PTPRT: variants seen among roughly 807,000 people sequenced by gnomAD.
PTPRT encodes receptor-type tyrosine-protein phosphatase T.
Under a neutral mutation model 176.8 loss-of-function variants are expected in PTPRT, and 56 were observed. The observed-to-expected ratio is 0.32, with a 90% confidence interval of 0.26 to 0.40. The LOEUF (loss-of-function observed/expected upper bound fraction) is 0.40, where lower values mean the gene tolerates loss of function less well. Among genes scored for constraint, PTPRT ranks in the 10% least tolerant of loss-of-function variants. The probability of loss-of-function intolerance (pLI) is 1.00; values close to 1 mark genes in which losing one functional copy is unlikely to be tolerated. For synonymous variants in PTPRT, 783 were observed against 739.0 expected (o/e 1.06, Z -0.96); for missense variants, 1,540 against 1,908.2 (o/e 0.81, Z 3.60).
intron 1 of PTPRT, among the ~76,000 whole-genome samples, chr20:42,912,572 A>C (rs1398125845): frequency 6.6e-6 from 1 of 152,230 alleles, no homozygotes; most frequent in Non-Finnish European, 1.5e-5. Context: ...CTCTGGTAGA[A>C]ATGCCTACAT....
intron 6 of PTPRT, among the ~76,000 whole-genome samples, chr20:42,679,713 G>A (rs977387872): frequency 7.6e-6 from 1 of 131,506 alleles, no homozygotes; most frequent in Non-Finnish European, 1.7e-5. Context: ...TATATTGTAA[G>A]GATTTTTTTT....
chr20:42,680,512 A>T lies in PTPRT; in HGVS notation c.860-2353T>A, dbSNP rs73907230. 4.0e-3 allele frequency among the ~76,000 whole-genome samples: 610 copies of T among 152,314 alleles called. 6 individuals carry two copies. The highest frequency in any genetic ancestry group is 0.014 in the African/African-American group (580 of 41,568). ...ATATATGGAACCTTTGATTGCCATT[A>T]TCAACTCTCCAGAGCTCCCATCAGT... is the stretch of plus-strand genomic sequence containing the variant. On this transcript the variant is annotated intron_variant, in intron 6 of 30. Transcript: ENST00000373187.
chr20:42,900,184 G>A (rs2079378069), intron 1 of PTPRT, among the ~76,000 whole-genome samples: 1 of 152,220 alleles, frequency 6.6e-6, no homozygotes, highest in South Asian at 2.1e-4. Flanking sequence ...CAGACTAGCA[G>A]GTGGTAGAAG....
chr20:42,576,514 A>G (rs898494965), intron 7 of PTPRT, among the ~76,000 whole-genome samples: 3 of 152,116 alleles, frequency 2.0e-5, no homozygotes. Context: ...CCAATTGGCC[A>G]TCCTTCCCCA....
intron 7 of PTPRT, among the ~76,000 whole-genome samples, chr20:42,631,168 G>A (rs2074396344): frequency 1.3e-5 from 2 of 152,164 alleles, no homozygotes; most frequent in Admixed American, 6.5e-5. Flanking sequence ...GTCTTATACA[G>A]AAGGTCTACA....
intron 2 of PTPRT, among the ~76,000 whole-genome samples, chr20:42,859,181 A>G (rs1021950021): frequency 3.3e-5 from 5 of 152,156 alleles, no homozygotes; most frequent in Admixed American, 6.5e-5. Context: ...CATAACTCCA[A>G]TGATTTCCTG....
chr20:42,609,230 T>C (rs1158676996), intron 7 of PTPRT, among the ~76,000 whole-genome samples: 1 of 151,934 alleles, frequency 6.6e-6, no homozygotes, highest in Non-Finnish European at 1.5e-5. Context: ...CACATGACCA[T>C]GCCGGGCTAA....
intron 15 of PTPRT, among the ~76,000 whole-genome samples, chr20:42,205,553 C>T (rs2055434059): frequency 1.3e-5 from 2 of 152,130 alleles, no homozygotes; most frequent in South Asian, 4.1e-4. Context: ...GATTTGGACT[C>T]TGCAAAACCC....
intron 2 of PTPRT, among the ~76,000 whole-genome samples, chr20:42,822,539 A>G (rs889474664): frequency 1.3e-5 from 2 of 152,230 alleles, no homozygotes; most frequent in Admixed American, 6.5e-5. Flanking sequence ...ACAAAGGCCA[A>G]AATTGACCAA....
At chr20:42,809,061 G>C (rs1399077732) in intron 2 of PTPRT, among the ~76,000 whole-genome samples, 1 of 152,188 alleles carries the variant, frequency 6.6e-6, no homozygotes, top group Non-Finnish European at 1.5e-5. Context: ...GAGCACTTAG[G>C]GAGCTGTGCA....
intron 12 of PTPRT, among the ~76,000 whole-genome samples, chr20:42,306,420 G>T (rs1342101236): frequency 1.3e-5 from 2 of 152,188 alleles, no homozygotes; most frequent in East Asian, 1.9e-4. Context: ...GATAAATGGG[G>T]CATGGAACCT....
chr20:43,152,358 C>T (rs542659250), intron 1 of PTPRT, among the ~76,000 whole-genome samples: 2 of 152,278 alleles, frequency 1.3e-5, no homozygotes, highest in South Asian at 4.1e-4. Flanking sequence ...TTAAAATAAT[C>T]TATAACTAGA....
intron 13 of PTPRT, among the ~76,000 whole-genome samples, chr20:42,250,156 A>G (rs756104055): frequency 1.3e-5 from 2 of 152,178 alleles, no homozygotes; most frequent in Non-Finnish European, 2.9e-5. Context: ...CAATATTATT[A>G]GTTATTTGTT....
At chr20:42,088,845 A>T (rs1327161708) in intron 27 of PTPRT, among the ~76,000 whole-genome samples, 1 of 152,220 alleles carries the variant, frequency 6.6e-6, no homozygotes, top group Non-Finnish European at 1.5e-5. Flanking sequence ...TAATTCATGT[A>T]AATAAACCCT....
rs372259462 is a variant in PTPRT at position 42,427,574 on chromosome 20, G to C, written c.1560+20646C>G. On this transcript the variant is annotated intron_variant, in intron 9 of 30. Coordinates refer to ENST00000373187, the MANE Select transcript of PTPRT (RefSeq NM_007050.6). ...AAGCTCCCTCCAGCATCTTTCATAAGAGCACTAATCCCATTAATAAGGGCA... is the reference window on the plus strand; with the variant it reads ...AAGCTCCCTCCAGCATCTTTCATAACAGCACTAATCCCATTAATAAGGGCA... Among the ~76,000 whole-genome samples, 22 of 152,192 alleles carry C rather than the reference G, an allele frequency of 1.4e-4. No individual in the cohort carries two copies. In the South Asian group the frequency reaches 4.6e-3, roughly 32 times the overall value.
intron 1 of PTPRT, among the ~76,000 whole-genome samples, chr20:42,910,521 G>C (rs1170333136): frequency 5.3e-5 from 8 of 152,208 alleles, no homozygotes; most frequent in African/African-American, 1.9e-4. Context: ...TGAGCTTAAA[G>C]GAAATTCATT....
chr20:42,694,040 CTTTTTTTTT>C (rs56156122), intron 6 of PTPRT, among the ~76,000 whole-genome samples: 11 of 138,440 alleles, frequency 7.9e-5, no homozygotes, highest in Non-Finnish European at 1.7e-4. Context: ...ATTTTATTTT[CTTTTTTTTT>C]TTTTTTTGAG....
Position 42,581,419 on chromosome 20 carries a change from G to A in PTPRT, c.1153+96447C>T, listed in dbSNP as rs147518401. Among the ~76,000 whole-genome samples, 466 of 152,166 alleles carry A rather than the reference G, an allele frequency of 3.1e-3. 3 individuals carry two copies. The highest frequency in any genetic ancestry group is 0.01 in the African/African-American group (424 of 41,496). On this transcript the variant is annotated intron_variant, in intron 7 of 30. Transcript: ENST00000373187. ...AAAATGTAAGCACCATGACGGAAAC[G>A]ATTTGTTTCTTTTGTTTATTGGTGC...
chr20:42,220,909 A>G (rs942367330), intron 15 of PTPRT, among the ~76,000 whole-genome samples: 2 of 152,216 alleles, frequency 1.3e-5, no homozygotes, highest in Non-Finnish European at 2.9e-5. Context: ...TAAATTTCAT[A>G]CCAATTGTGA....
Sources: allele counts gnomAD v4.1 joint callset (sites outside exome capture counted in the v4.1 genomes callset), GRCh38; gene constraint gnomAD v4.1.1; transcripts MANE v1.5; gene names NCBI Gene and HGNC (gene_info 2026-07-23, HGNC 2026-07-21).